MAN1A1: variants seen among roughly 807,000 people sequenced by gnomAD.
MAN1A1 encodes mannosyl-oligosaccharide 1,2-alpha-mannosidase IA.
Under a neutral mutation model 70.8 loss-of-function variants are expected in MAN1A1, and 29 were observed. The observed-to-expected ratio is 0.41, with a 90% confidence interval of 0.31 to 0.56. The LOEUF (loss-of-function observed/expected upper bound fraction) is 0.56. Among genes scored for constraint, MAN1A1 ranks in the 20% least tolerant of loss-of-function variants. The pLI is 0.29. For missense variants in MAN1A1, 747 were observed against 841.3 expected, an observed-to-expected ratio of 0.89 and a Z score of 1.39; for synonymous variants, 349 against 330.1, an observed-to-expected ratio of 1.06 and a Z score of -0.62.
chr6:119,281,499 G>T (rs972381997), intron 5 of MAN1A1, among the ~76,000 whole-genome samples: 1 of 152,150 alleles, frequency 6.6e-6, no homozygotes, highest in African/African-American at 2.4e-5. Flanking sequence ...TGTGGGATTT[G>T]CCAGAATCTC....
chr6:119,266,071 A>T (rs1250846587), intron 5 of MAN1A1, among the ~76,000 whole-genome samples: 1 of 152,192 alleles, frequency 6.6e-6, no homozygotes, highest in Non-Finnish European at 1.5e-5. Flanking sequence ...TATGTACAAG[A>T]TCCATATGAA....
chr6:119,307,362 A>G (rs1224139315), intron 2 of MAN1A1, among the ~76,000 whole-genome samples: 3 of 152,208 alleles, frequency 2.0e-5, no homozygotes, highest in Non-Finnish European at 4.4e-5. Context: ...TGCAAAGACT[A>G]TCTTTAAAAT....
chr6:119,180,974 GTTTTGGAAAAA>G (rs1352305900), intron 11 of MAN1A1, among the ~76,000 whole-genome samples: 1 of 152,244 alleles, frequency 6.6e-6, no homozygotes, highest in East Asian at 1.9e-4. Context: ...TCTGCCTTTA[GTTTTGGAAAAA>G]TTTTTCACTG....
intron 3 of MAN1A1, among the ~76,000 whole-genome samples, chr6:119,303,525 T>G (rs1341748343): frequency 6.6e-6 from 1 of 152,180 alleles, no homozygotes; most frequent in South Asian, 2.1e-4. Flanking sequence ...AAATATCCCC[T>G]TGAAACATGC....
chr6:119,244,624 T>C (rs965417784), intron 6 of MAN1A1, among the ~76,000 whole-genome samples: 1 of 152,120 alleles, frequency 6.6e-6, no homozygotes, highest in Non-Finnish European at 1.5e-5. Flanking sequence ...TCTGCATATA[T>C]TCAGCTTGCA....
At position 119,219,051 on chromosome 6, in the gene MAN1A1, T is replaced by C. The variant is rs1405381420; in HGVS notation, c.993-14169A>G. Among the ~76,000 whole-genome samples, 4 of 152,202 alleles carry C rather than the reference T, an allele frequency of 2.6e-5. No individual in the cohort carries two copies. The East Asian group carries it at 7.7e-4, about 29-fold the overall frequency. On this transcript the variant is annotated intron_variant, in intron 6 of 12. Coordinates refer to ENST00000368468, the MANE Select transcript of MAN1A1 (RefSeq NM_005907.4). ...GCCAAGGGTAAAACTGGTTTGGTTATATGTCATTTTGCTTAAAGCTGCAGT... is the reference window on the plus strand; with the variant it reads ...GCCAAGGGTAAAACTGGTTTGGTTACATGTCATTTTGCTTAAAGCTGCAGT...
chr6:119,299,963 C>T (rs1428950766), intron 4 of MAN1A1, among the ~76,000 whole-genome samples: 2 of 152,126 alleles, frequency 1.3e-5, no homozygotes, highest in African/African-American at 2.4e-5. Flanking sequence ...AGAAAAAAAC[C>T]GCTATTATAT....
intron 5 of MAN1A1, among the ~76,000 whole-genome samples, chr6:119,251,352 G>A (rs1351957120): frequency 6.6e-6 from 1 of 152,070 alleles, no homozygotes; most frequent in East Asian, 1.9e-4. Context: ...ATCTGGCTCT[G>A]GCTCCAGCTC....
intron 2 of MAN1A1, among the ~76,000 whole-genome samples, chr6:119,330,482 C>T (rs1375934091): frequency 6.6e-6 from 1 of 152,150 alleles, no homozygotes; most frequent in Non-Finnish European, 1.5e-5. Context: ...ATCTTCACTA[C>T]CCCTTTATGC....
chr6:119,310,725 A>C (rs1259601305), intron 2 of MAN1A1, among the ~76,000 whole-genome samples: 1 of 152,208 alleles, frequency 6.6e-6, no homozygotes, highest in East Asian at 1.9e-4. Flanking sequence ...AAGCCATGAG[A>C]AAGAAGACAA....
intron 6 of MAN1A1, among the ~76,000 whole-genome samples, chr6:119,228,612 A>G (rs13203648): frequency 1.3e-5 from 2 of 152,076 alleles, no homozygotes; most frequent in Non-Finnish European, 2.9e-5. Context: ...TATTTTTTTT[A>G]AAGAAAAACC....
At chr6:119,264,545 T>C (rs895487543) in intron 5 of MAN1A1, among the ~76,000 whole-genome samples, 1 of 152,198 alleles carries the variant, frequency 6.6e-6, no homozygotes, top group African/African-American at 2.4e-5. Flanking sequence ...CCTGAACAAA[T>C]GGCATGCCAT....
At chr6:119,253,038 T>TA (rs897507655) in intron 5 of MAN1A1, among the ~76,000 whole-genome samples, 160 of 149,140 alleles carry the variant, frequency 1.1e-3, no homozygotes, top group African/African-American at 3.3e-3. Context: ...TGAGTGAACA[T>TA]AAAAAAAAAA....
intron 2 of MAN1A1, among the ~76,000 whole-genome samples, chr6:119,335,010 A>G (rs1432009775): frequency 6.6e-6 from 1 of 152,120 alleles, no homozygotes; most frequent in African/African-American, 2.4e-5. Context: ...CACCCTCTCT[A>G]TGGTTTTCCT....
At chr6:119,346,737 T>A (rs778229995) in intron 2 of MAN1A1, among the ~76,000 whole-genome samples, 2 of 152,240 alleles carry the variant, frequency 1.3e-5, no homozygotes, top group African/African-American at 4.8e-5. Flanking sequence ...TCTATGTATC[T>A]TTCGTATTAA....
intron 4 of MAN1A1, among the ~76,000 whole-genome samples, chr6:119,298,053 A>C (rs1772270936): frequency 6.6e-6 from 1 of 152,152 alleles, no homozygotes; most frequent in South Asian, 2.1e-4. Context: ...CCATAAGGGT[A>C]AATGCCTGAT....
intron 4 of MAN1A1, among the ~76,000 whole-genome samples, chr6:119,295,224 C>A (rs1216249724): frequency 6.6e-6 from 1 of 152,044 alleles, no homozygotes; most frequent in African/African-American, 2.4e-5. Flanking sequence ...ACCTGAAAGA[C>A]CAACCTCTTC....
At chr6:119,181,810 A>G (rs184313155) in intron 11 of MAN1A1, among the ~76,000 whole-genome samples, 1 of 152,306 alleles carries the variant, frequency 6.6e-6, no homozygotes, top group Admixed American at 6.5e-5. Context: ...GATATACACT[A>G]CTTCTGTGGA....
chr6:119,325,250 G>A (rs894239012), intron 2 of MAN1A1, among the ~76,000 whole-genome samples: 6 of 152,234 alleles, frequency 3.9e-5, no homozygotes, highest in South Asian at 4.1e-4. Flanking sequence ...ATCAAAGAGC[G>A]GGAAATCAGA....
Sources: gnomAD v4.1 joint callset for allele counts (sites outside exome capture counted in the v4.1 genomes callset) on GRCh38, gnomAD v4.1.1 for gene constraint, MANE v1.5 for transcripts, NCBI Gene and HGNC (gene_info 2026-07-23, HGNC 2026-07-21) for gene names.